The following CACNA2D2 variants were observed in gnomAD, a reference collection of about 807,000 sequenced individuals.
CACNA2D2 encodes the protein calcium voltage-gated channel auxiliary subunit alpha2delta 2, also known as voltage-dependent calcium channel subunit alpha-2/delta-2.
In CACNA2D2, 48 loss-of-function variants were observed where a neutral mutation model predicts 166.4. That is an observed-to-expected ratio of 0.29 (90% CI 0.23 to 0.37). CACNA2D2 has a LOEUF of 0.37. Among genes scored for constraint, CACNA2D2 ranks in the 10% least tolerant of loss-of-function variants. The probability of loss-of-function intolerance (pLI) is 1.00; values close to 1 mark genes in which losing one functional copy is unlikely to be tolerated. For missense variants in CACNA2D2, 1,122 were observed against 1,433.0 expected (o/e 0.78, Z 3.50); for synonymous variants, 561 against 573.7 (o/e 0.98, Z 0.32).
chr3:50,477,245 T>A (rs1333302062), intron 1 of CACNA2D2, among the ~76,000 whole-genome samples: 2 of 152,228 alleles, frequency 1.3e-5, no homozygotes, highest in African/African-American at 4.8e-5. Flanking sequence ...GGGATTGTTT[T>A]AACCCATTTC....
At position 50,379,757 on chromosome 3, in the gene CACNA2D2, G is replaced by A; in HGVS notation, c.961C>T (p.Leu321=). The A allele has an allele frequency of 6.2e-7, 1 of 1,613,950 alleles. No individual in the cohort carries two copies. Among genetic ancestry groups the A allele is most frequent in the Non-Finnish European group, 8.5e-7 (1 of 1,180,034 alleles). ...ACATTCACATAGTCATCATCAGACA[G>A]CGTGTCCAGCATCTCGCAGACAGAT... ...KTSVCEMLDT[L]SDDDYVNVAS... Residue 321 remains leucine, a synonymous_variant, in exon 10 of 38, where the codon CTG becomes TTG. Coordinates refer to ENST00000424201, the MANE Select transcript of CACNA2D2 (RefSeq NM_006030.4). This position sits in a 1 kb window ranked among gnomAD's most constrained non-coding sequence, Gnocchi z 6.5.
At chr3:50,499,356 C>G (rs1698859259) in intron 1 of CACNA2D2, among the ~76,000 whole-genome samples, 1 of 152,234 alleles carries the variant, frequency 6.6e-6, no homozygotes. Context: ...CTGGCTACCG[C>G]CCGGCTGCAA....
At chr3:50,462,655 CG>C (rs1330906432) in intron 2 of CACNA2D2, among the ~76,000 whole-genome samples, 3 of 151,468 alleles carry the variant, frequency 2.0e-5, no homozygotes, top group Non-Finnish European at 4.4e-5. Flanking sequence ...AGGATGCCCA[CG>C]GATAATGCCT....
chr3:50,368,866 G>A (rs910718661), intron 23 of CACNA2D2, among the ~76,000 whole-genome samples: 1 of 152,238 alleles, frequency 6.6e-6, no homozygotes, highest in Admixed American at 6.5e-5. Flanking sequence ...GGGGCGTGAG[G>A]GGGTCTGCTT....
chr3:50,417,591 C>T (rs969660961), intron 3 of CACNA2D2, among the ~76,000 whole-genome samples: 14 of 152,152 alleles, frequency 9.2e-5, no homozygotes, highest in African/African-American at 3.1e-4. Context: ...GCTGGATCAC[C>T]GGTGGGTAGG....
At chr3:50,371,276 G>A (rs1704642889) in intron 22 of CACNA2D2, among the ~76,000 whole-genome samples, 1 of 152,192 alleles carries the variant, frequency 6.6e-6, no homozygotes, top group Non-Finnish European at 1.5e-5. Context: ...TAGGGCTGCT[G>A]TTGAGGCATC....
intron 1 of CACNA2D2, among the ~76,000 whole-genome samples, chr3:50,490,617 C>T (rs994520566): frequency 3.3e-5 from 5 of 152,226 alleles, no homozygotes; most frequent in Non-Finnish European, 7.3e-5. Flanking sequence ...GGCTCTGTCC[C>T]AGGCTGCTGT....
At chr3:50,377,632 G>GT (rs988173780) in intron 16 of CACNA2D2, 91 bp from the exon 17 acceptor site, 32 of 1,558,490 alleles carry the variant, frequency 2.1e-5, no homozygotes, top group Non-Finnish European at 2.8e-5. Context: ...CACAGGCAGT[G>GT]TGCAGGCCTG....
chr3:50,442,635 G>A lies in CACNA2D2; in HGVS notation c.289-8206C>T, dbSNP rs1708652017. Among the ~76,000 whole-genome samples, 3 of 152,196 alleles carry A rather than the reference G, an allele frequency of 2.0e-5. No individual in the cohort carries two copies. In the South Asian group the frequency reaches 6.2e-4, roughly 32 times the overall value. ...TCACAGAGCAGAGAATCTGAGGCAT[G>A]GAGACCCACATATCCCAGGGCCCAT... On this transcript the variant is annotated intron_variant, in intron 2 of 37. Transcript: ENST00000424201.
At chr3:50,431,464 G>A (rs1455109887) in intron 3 of CACNA2D2, among the ~76,000 whole-genome samples, 1 of 152,070 alleles carries the variant, frequency 6.6e-6, no homozygotes, top group African/African-American at 2.4e-5. Context: ...ATAATGTGGG[G>A]GAGTCAAGGG....
intron 2 of CACNA2D2, among the ~76,000 whole-genome samples, chr3:50,449,453 C>T (rs893411263): frequency 3.9e-5 from 6 of 152,196 alleles, no homozygotes; most frequent in Non-Finnish European, 8.8e-5. Context: ...ACTCCTTAGG[C>T]TCAACCCTGA....
rs1464471265 is a variant in CACNA2D2 at position 50,375,904 on chromosome 3, G to A, written c.1774-24C>T. On this transcript the variant is annotated intron_variant, in intron 19 of 37. Coordinates refer to ENST00000424201, the MANE Select transcript of CACNA2D2 (RefSeq NM_006030.4). This position sits in a 1 kb window ranked among gnomAD's most constrained non-coding sequence, Gnocchi z 4.0. Reference sequence around the variant, plus strand: ...ATCTGGAAGGGCCAGAGATGTGAGGGGCAGGGCCCCTACACTCCTCTGCTC... The same window carrying A: ...ATCTGGAAGGGCCAGAGATGTGAGGAGCAGGGCCCCTACACTCCTCTGCTC... 1.2e-6 allele frequency: 2 copies of A among 1,612,858 alleles called. No individual in the cohort carries two copies. Among genetic ancestry groups the A allele is most frequent in the East Asian group, 4.5e-5 (2 of 44,854 alleles).
At chr3:50,421,012 G>A (rs1270777235) in intron 3 of CACNA2D2, among the ~76,000 whole-genome samples, 5 of 152,208 alleles carry the variant, frequency 3.3e-5, no homozygotes, top group African/African-American at 1.2e-4. Flanking sequence ...CTTCCCCTGG[G>A]TTCTGGGAGG....
At chr3:50,430,622 T>C (rs1417933159) in intron 3 of CACNA2D2, among the ~76,000 whole-genome samples, 5 of 152,276 alleles carry the variant, frequency 3.3e-5, no homozygotes, top group Admixed American at 6.5e-5. Context: ...TTGGCGGATG[T>C]TGGTGAACAG....
At position 50,503,267 on chromosome 3, in the gene CACNA2D2, G is replaced by A. The variant is rs1355888386; in HGVS notation, c.157C>T (p.Leu53=). The A allele has an allele frequency of 7.6e-6, 9 of 1,185,238 alleles. No individual in the cohort carries two copies. The highest frequency in any genetic ancestry group is 9.4e-6 in the Non-Finnish European group (9 of 955,318). The allele number at this position is 1,185,238 out of a possible 1,614,324, so 73.4% of individuals were successfully genotyped here. ...GCAGAGGCGCCGGGGGCGGCGAGCAGCGGTAGAAGCGGCAGCAGCAGCCAC... is the reference window on the plus strand; with the variant it reads ...GCAGAGGCGCCGGGGGCGGCGAGCAACGGTAGAAGCGGCAGCAGCAGCCAC... ...PLWLLLPLLP[L]LAAPGASAYS... Residue 53 remains leucine, a synonymous_variant, in exon 1 of 38, where the codon CTG becomes TTG. Transcript: ENST00000424201.
intron 3 of CACNA2D2, among the ~76,000 whole-genome samples, chr3:50,403,346 A>C (rs974046631): frequency 6.6e-6 from 1 of 151,976 alleles, no homozygotes; most frequent in Admixed American, 6.5e-5. Context: ...CCCCAAACTC[A>C]GCTTCTCTCT....
In CACNA2D2 at chr3:50,365,596, C is replaced by T; in HGVS notation, c.2971+37G>A. On this transcript the variant is annotated intron_variant, in intron 34 of 37. Transcript: ENST00000424201. The surrounding 1 kb of genome is among the most constrained non-coding windows in gnomAD (Gnocchi z 4.5). ...GAGTCGTCTTAGCTCAGATTGGGGA[C>T]CCGGACTTGAGGAGGCGCCTCCAAA... 6.4e-7 allele frequency: 1 copy of T among 1,573,870 alleles called. No individual in the cohort carries two copies. Among genetic ancestry groups the T allele is most frequent in the African/African-American group, 1.3e-5 (1 of 74,514 alleles).
Position 50,434,433 on chromosome 3 carries a change from G to A in CACNA2D2, c.289-4C>T. On this transcript the variant is annotated splice_region_variant and splice_polypyrimidine_tract_variant and intron_variant, in intron 2 of 37. Coordinates refer to ENST00000424201, the MANE Select transcript of CACNA2D2 (RefSeq NM_006030.4). ...GGTTCCGGTTGTCCTTGTAAATCTG[G>A]AAGGAAGCAGAAGCCAGGGGTGAGA... 1 of 1,609,312 alleles carries A rather than the reference G, an allele frequency of 6.2e-7. No homozygotes were observed. The highest frequency in any genetic ancestry group is 8.5e-7 in the Non-Finnish European group (1 of 1,175,592).
At chr3:50,449,994 G>C (rs1051950541) in intron 2 of CACNA2D2, among the ~76,000 whole-genome samples, 7 of 152,278 alleles carry the variant, frequency 4.6e-5, no homozygotes, top group Non-Finnish European at 8.8e-5. Context: ...GTGAGGAGGG[G>C]TCCATGGAGC....
Sources: gnomAD v4.1 joint callset for allele counts (sites outside exome capture counted in the v4.1 genomes callset) on GRCh38, gnomAD v4.1.1 for gene constraint, Gnocchi (gnomAD v3.1) non-coding constraint, MANE v1.5 for transcripts, NCBI Gene and HGNC (gene_info 2026-07-23, HGNC 2026-07-21) for gene names.